TM4SF4: variants seen among roughly 807,000 people sequenced by gnomAD.
The protein encoded by TM4SF4 is transmembrane 4 L six family member 4.
A neutral mutation model predicts 24.1 loss-of-function variants in TM4SF4; 24 were observed. The ratio of observed to expected loss-of-function variants is 1.00; its 90% CI spans 0.72 to 1.40. TM4SF4 has a LOEUF of 1.40. Among genes scored for constraint, TM4SF4 ranks in the 40% most tolerant of loss-of-function variants. The pLI is 0.00. For synonymous variants in TM4SF4, 113 were observed against 97.0 expected, an observed-to-expected ratio of 1.17 and a Z score of -0.97; for missense variants, 254 against 254.2, an observed-to-expected ratio of 1.00 and a Z score of 0.01.
intron 2 of TM4SF4, among the ~76,000 whole-genome samples, chr3:149,484,150 C>T (rs976922227): frequency 1.3e-5 from 2 of 152,284 alleles, no homozygotes; most frequent in Middle Eastern, 6.8e-3. Flanking sequence ...TAAAGACACA[C>T]TTTGAGCCAT....
intron 2 of TM4SF4, among the ~76,000 whole-genome samples, chr3:149,480,842 T>A (rs555755354): frequency 1.3e-5 from 2 of 152,216 alleles, no homozygotes; most frequent in South Asian, 4.1e-4. Flanking sequence ...TACTTCTACA[T>A]ATTTTATTTT....
At chr3:149,485,726 T>C (rs563245082) in intron 2 of TM4SF4, among the ~76,000 whole-genome samples, 248 of 152,136 alleles carry the variant, frequency 1.6e-3, no homozygotes, top group Non-Finnish European at 2.2e-3. Flanking sequence ...CCCAGGAAGT[T>C]GAGGCTGCAG....
chr3:149,501,344 C>T (rs1344187070), intron 4 of TM4SF4, among the ~76,000 whole-genome samples: 3 of 152,126 alleles, frequency 2.0e-5, no homozygotes, highest in Non-Finnish European at 4.4e-5. Context: ...TCCTCCCTCC[C>T]TTCATCTCTC....
chr3:149,497,013 T>A (rs1339119890), intron 3 of TM4SF4, among the ~76,000 whole-genome samples: 1 of 151,958 alleles, frequency 6.6e-6, no homozygotes, highest in Non-Finnish European at 1.5e-5. Flanking sequence ...TCTATTTTTT[T>A]AAAAAAAGAG....
chr3:149,501,140 A>G (rs1180448124), intron 4 of TM4SF4, among the ~76,000 whole-genome samples: 2 of 152,138 alleles, frequency 1.3e-5, no homozygotes, highest in Admixed American at 6.5e-5. Context: ...ACACATTCAT[A>G]GGTGTCAGCA....
rs772548423 is a variant in TM4SF4, at chr3:149,475,029, G to T, written c.152G>T (p.Gly51Val). Residue 51 changes from glycine to valine, a missense_variant, in exon 1 of 5, where the codon GGA (glycine) becomes GTA (valine). Physicochemically the swap from Gly to Val is moderately radical, Grantham distance 109 (BLOSUM62 -3). Coordinates refer to ENST00000305354, the MANE Select transcript of TM4SF4 (RefSeq NM_004617.4). ...TCCCAAGAGATCTGGTTTTTCGGAG[G>T]AATATTAGGAAGCGGTGTCTTGGTG... ...HLSQEIWFFG[G>V]ILGSGVLMIF... is the part of the protein sequence containing the mutation. The T allele has an allele frequency of 1.2e-6, 2 of 1,613,054 alleles. No homozygotes were observed. Among genetic ancestry groups the T allele is most frequent in the South Asian group, 1.1e-5 (1 of 91,012 alleles).
Position 149,474,786 on chromosome 3 carries a change from C to A in TM4SF4, c.-92C>A. 1.5e-6 allele frequency: 2 copies of A among 1,372,356 alleles called. No homozygotes were observed. The highest frequency in any genetic ancestry group is 2.0e-6 in the Non-Finnish European group (2 of 1,015,896). 85.0% of individuals were successfully genotyped at this position (1,372,356 alleles called of 1,614,324 possible). Reference sequence around the variant, plus strand: ...ATACTGATTGAATTGGAGACAATTACAAGGACTCTCTGGCCAAAAACCCTT... The same window carrying A: ...ATACTGATTGAATTGGAGACAATTAAAAGGACTCTCTGGCCAAAAACCCTT... On this transcript the variant is annotated 5_prime_UTR_variant, in exon 1 of 5. Coordinates refer to ENST00000305354, the MANE Select transcript of TM4SF4 (RefSeq NM_004617.4).
At chr3:149,492,495 T>C (rs553871121) in intron 3 of TM4SF4, among the ~76,000 whole-genome samples, 3 of 152,188 alleles carry the variant, frequency 2.0e-5, no homozygotes, top group Admixed American at 1.3e-4. Context: ...CCTGAGACAA[T>C]TGGCCATCCC....
At chr3:149,497,429 G>A (rs898508471) in intron 3 of TM4SF4, among the ~76,000 whole-genome samples, 2 of 152,094 alleles carry the variant, frequency 1.3e-5, no homozygotes, top group Admixed American at 1.3e-4. Context: ...TTTCTGTGAA[G>A]GTTATCATAA....
At chr3:149,502,210 A>G (rs970890350) in intron 4 of TM4SF4, among the ~76,000 whole-genome samples, 1 of 152,148 alleles carries the variant, frequency 6.6e-6, no homozygotes, top group Non-Finnish European at 1.5e-5. Flanking sequence ...TCCACATAGC[A>G]CTTGGTCTCT....
intron 2 of TM4SF4, among the ~76,000 whole-genome samples, chr3:149,478,626 T>C (rs926315255): frequency 6.6e-6 from 1 of 152,230 alleles, no homozygotes; most frequent in Admixed American, 6.5e-5. Flanking sequence ...ATCCAAATCA[T>C]GAGGCAGTGT....
Position 149,474,846 on chromosome 3 carries a change from T to G in TM4SF4, c.-32T>G. 6.3e-7 allele frequency: 1 copy of G among 1,578,098 alleles called. No individual in the cohort carries two copies. The highest frequency in any genetic ancestry group is 8.6e-7 in the Non-Finnish European group (1 of 1,164,592). On this transcript the variant is annotated 5_prime_UTR_variant, in exon 1 of 5. Coordinates refer to ENST00000305354, the MANE Select transcript of TM4SF4 (RefSeq NM_004617.4). Reference sequence around the variant, plus strand: ...CCGTGAAGGAGGCAGTGAGGAGCTTTTGATTGCTGACCTGTGTCGTACCAC... The same window carrying G: ...CCGTGAAGGAGGCAGTGAGGAGCTTGTGATTGCTGACCTGTGTCGTACCAC...
chr3:149,501,964 C>G (rs1487422922), intron 4 of TM4SF4, among the ~76,000 whole-genome samples: 3 of 152,196 alleles, frequency 2.0e-5, no homozygotes, highest in Non-Finnish European at 4.4e-5. Flanking sequence ...TGCTCCTTGT[C>G]TGTAAAATGT....
chr3:149,494,373 T>A (rs948362670), intron 3 of TM4SF4, among the ~76,000 whole-genome samples: 1 of 152,144 alleles, frequency 6.6e-6, no homozygotes, highest in Non-Finnish European at 1.5e-5. Context: ...CACCAGGAGG[T>A]GCTGTCATGC....
At position 149,475,924 on chromosome 3, in the gene TM4SF4, T is replaced by G. The variant is rs1733920767; in HGVS notation, c.264+12T>G. 1 of 1,604,768 alleles carries G rather than the reference T, an allele frequency of 6.2e-7. No individual in the cohort carries two copies. The highest frequency in any genetic ancestry group is 1.7e-5 in the Admixed American group (1 of 58,922). On this transcript the variant is annotated intron_variant, in intron 2 of 4. Transcript: ENST00000305354. ...GGAAGCGATTTGCGGTGAGTTACCA[T>G]GGGGGGCAGCTACTAGAATTACTCC...
intron 3 of TM4SF4, 94 bp downstream of exon 3, chr3:149,487,849 A>G: frequency 2.6e-6 from 4 of 1,521,000 alleles, no homozygotes; most frequent in Non-Finnish European, 3.6e-6. Context: ...CCATGTCTTC[A>G]TCCTTATGCA....
At position 149,482,064 on chromosome 3, in the gene TM4SF4, C is replaced by A. The variant is rs574237928; in HGVS notation, c.265-5555C>A. On this transcript the variant is annotated intron_variant, in intron 2 of 4. Coordinates refer to ENST00000305354, the MANE Select transcript of TM4SF4 (RefSeq NM_004617.4). ...AATTCTAGGTGTCCTATCAGTGAGG[C>A]ACTGGGGATTACTAGCAGCCTATCC... Among the ~76,000 whole-genome samples, 6 of 152,322 alleles carry A rather than the reference C, an allele frequency of 3.9e-5. No individual in the cohort carries two copies. The South Asian group carries it at 6.2e-4, about 16-fold the overall frequency.
chr3:149,483,298 C>T (rs2107868711), intron 2 of TM4SF4, among the ~76,000 whole-genome samples: 1 of 152,138 alleles, frequency 6.6e-6, no homozygotes, highest in Admixed American at 6.5e-5. Context: ...GAAAACCAGC[C>T]ATATAAACTC....
At position 149,487,685 on chromosome 3, in the gene TM4SF4, G is replaced by T. The variant is rs1222090237; in HGVS notation, c.331G>T (p.Ala111Ser). 1 of 1,613,978 alleles carries T rather than the reference G, an allele frequency of 6.2e-7. No homozygotes were observed. Among genetic ancestry groups the T allele is most frequent in the Admixed American group, 1.7e-5 (1 of 60,018 alleles). Residue 111 changes from alanine to serine, a missense_variant, in exon 3 of 5, where the codon GCC becomes TCC. Ala to Ser is a moderately conservative substitution (Grantham distance 99). Transcript: ENST00000305354. ...LGAGYSFIIS[A>S]ISINKGPKCL... ...AGCTGGATACTCGTTTATCATCTCA[G>T]CCATTTCAATCAACAAGGGTCCTAA...
Sources: gnomAD v4.1 joint callset for allele counts (sites outside exome capture counted in the v4.1 genomes callset) on GRCh38, gnomAD v4.1.1 for gene constraint, MANE v1.5 for transcripts, NCBI Gene and HGNC (gene_info 2026-07-23, HGNC 2026-07-21) for gene names.